PDZRN4: variants seen among roughly 807,000 people sequenced by gnomAD.
The protein encoded by PDZRN4 is PDZ domain-containing RING finger protein 4.
PDZRN4 carries 70 observed loss-of-function variants against 99.0 expected under a neutral mutation model. The ratio of observed to expected loss-of-function variants is 0.71; its 90% CI spans 0.58 to 0.86. The LOEUF (loss-of-function observed/expected upper bound fraction) is 0.86, where lower values mean the gene tolerates loss of function less well. Ranked by LOEUF, PDZRN4 falls within the 40% of genes least tolerant of loss-of-function variation. The probability of loss-of-function intolerance (pLI) is 0.00; values close to 1 mark genes in which losing one functional copy is unlikely to be tolerated. For missense variants in PDZRN4, 1,474 were observed against 1,331.2 expected (o/e 1.11, Z -1.67); for synonymous variants, 551 against 501.6 (o/e 1.10, Z -1.32).
chr12:41,543,339 G>A (rs900035742), intron 5 of PDZRN4, among the ~76,000 whole-genome samples: 1 of 152,194 alleles, frequency 6.6e-6, no homozygotes, highest in African/African-American at 2.4e-5. Context: ...GTGTGTGTGT[G>A]TGTGAGAGAG....
intron 3 of PDZRN4, among the ~76,000 whole-genome samples, chr12:41,370,400 A>G (rs1313763580): frequency 6.6e-6 from 1 of 151,988 alleles, no homozygotes; most frequent in African/African-American, 2.4e-5. Context: ...CTTTAAAAAT[A>G]TTTATCCGTT....
intron 5 of PDZRN4, among the ~76,000 whole-genome samples, chr12:41,530,930 A>G (rs1035657214): frequency 2.0e-5 from 3 of 152,006 alleles, no homozygotes; most frequent in African/African-American, 7.2e-5. Flanking sequence ...CTGCTGCTCA[A>G]ACCCCTAGGG....
chr12:41,412,471 T>C (rs1284618023), intron 3 of PDZRN4: 1 of 152,066 alleles, frequency 6.6e-6, no homozygotes, highest in Non-Finnish European at 1.5e-5. Context: ...TGTGCCAGGT[T>C]AAAAGTTGGG....
At chr12:41,208,402 T>C (rs1459710078) in intron 3 of PDZRN4, among the ~76,000 whole-genome samples, 1 of 151,982 alleles carries the variant, frequency 6.6e-6, no homozygotes, top group Non-Finnish European at 1.5e-5. Context: ...TCTTCATGTA[T>C]ATTGTCTCCA....
chr12:41,457,309 T>C (rs1277290886), intron 3 of PDZRN4, among the ~76,000 whole-genome samples: 2 of 152,186 alleles, frequency 1.3e-5, no homozygotes, highest in African/African-American at 2.4e-5. Context: ...AAACGGCTGT[T>C]CTCAAAAGTA....
At chr12:41,525,132 T>C (rs2120723968) in intron 5 of PDZRN4, among the ~76,000 whole-genome samples, 1 of 152,138 alleles carries the variant, frequency 6.6e-6, no homozygotes, top group Admixed American at 6.5e-5. Flanking sequence ...CTCTTAGACA[T>C]GCATATAAAG....
intron 8 of PDZRN4, among the ~76,000 whole-genome samples, chr12:41,564,844 C>CA (rs983966313): frequency 6.6e-6 from 1 of 151,798 alleles, no homozygotes; most frequent in Non-Finnish European, 1.5e-5. Flanking sequence ...CCATTTTCTT[C>CA]AAAAAAGAAC....
chr12:41,405,356 T>C (rs1486197674), intron 3 of PDZRN4, among the ~76,000 whole-genome samples: 1 of 152,148 alleles, frequency 6.6e-6, no homozygotes, highest in African/African-American at 2.4e-5. Context: ...ATGCTTGTCA[T>C]CACTAATTAT....
chr12:41,299,280 G>A (rs758763888), intron 3 of PDZRN4, among the ~76,000 whole-genome samples: 1 of 151,996 alleles, frequency 6.6e-6, no homozygotes, highest in Non-Finnish European at 1.5e-5. Flanking sequence ...GAGAGAGAGA[G>A]AGACAGAAAT....
chr12:41,562,194 T>G (rs1001383595), intron 7 of PDZRN4, among the ~76,000 whole-genome samples: 45 of 152,130 alleles, frequency 3.0e-4, no homozygotes, highest in African/African-American at 1.1e-3. Flanking sequence ...AAAATACAAT[T>G]TGTGCCCATA....
chr12:41,402,129 A>ATATACACACTGAG (rs1555140068), intron 3 of PDZRN4, among the ~76,000 whole-genome samples: 4 of 77,934 alleles, frequency 5.1e-5, no homozygotes, highest in African/African-American at 2.3e-4. Flanking sequence ...ATATATATAT[A>ATATACACACTGAG]TATATATATA....
At chr12:41,402,306 G>C (rs938752761) in intron 3 of PDZRN4, among the ~76,000 whole-genome samples, 6 of 6 alleles carry the variant, frequency 1, 3 homozygotes, top group Non-Finnish European at 1. Flanking sequence ...TATACACACA[G>C]TGTGTATATA....
intron 3 of PDZRN4, among the ~76,000 whole-genome samples, chr12:41,473,047 A>T (rs1001997102): frequency 6.6e-6 from 1 of 152,196 alleles, no homozygotes; most frequent in Non-Finnish European, 1.5e-5. Context: ...AAGACAAAAG[A>T]AGTTGGGAGT....
intron 7 of PDZRN4, among the ~76,000 whole-genome samples, chr12:41,559,334 T>C (rs1379471497): frequency 6.6e-6 from 1 of 152,212 alleles, no homozygotes; most frequent in East Asian, 1.9e-4. Flanking sequence ...TTCCTTTTCA[T>C]TCCTTCACAG....
chr12:41,241,175 A>G (rs1263987485), intron 3 of PDZRN4, among the ~76,000 whole-genome samples: 2 of 152,108 alleles, frequency 1.3e-5, no homozygotes, highest in Non-Finnish European at 2.9e-5. Flanking sequence ...AGTATCCCTC[A>G]TCCTAAAATT....
intron 5 of PDZRN4, among the ~76,000 whole-genome samples, chr12:41,518,287 T>C (rs1263033350): frequency 1.3e-5 from 2 of 152,106 alleles, no homozygotes; most frequent in Non-Finnish European, 2.9e-5. Context: ...ATCCAATCTA[T>C]GCATTTCAGA....
At chr12:41,564,779 A>G (rs1939336061) in intron 8 of PDZRN4, among the ~76,000 whole-genome samples, 1 of 152,166 alleles carries the variant, frequency 6.6e-6, no homozygotes, top group Non-Finnish European at 1.5e-5. Context: ...TTTTAAATAC[A>G]TATGAAATTA....
chr12:41,233,820 A>T (rs1951047140), intron 3 of PDZRN4, among the ~76,000 whole-genome samples: 1 of 152,068 alleles, frequency 6.6e-6, no homozygotes, highest in Admixed American at 6.6e-5. Context: ...AGATAGCATT[A>T]GGAGACATAC....
intron 3 of PDZRN4, among the ~76,000 whole-genome samples, chr12:41,385,739 T>A: frequency 6.6e-6 from 1 of 152,060 alleles, no homozygotes; most frequent in East Asian, 1.9e-4. Flanking sequence ...TTCTACCAGA[T>A]GTACAAAGAA....
Sources: gnomAD v4.1 joint callset for allele counts (sites outside exome capture counted in the v4.1 genomes callset) on GRCh38, gnomAD v4.1.1 for gene constraint, MANE v1.5 for transcripts, NCBI Gene and HGNC (gene_info 2026-07-23, HGNC 2026-07-21) for gene names.